The following CFAP95 variants were observed in gnomAD, a reference collection of about 807,000 sequenced individuals.
The protein encoded by CFAP95 is cilia- and flagella-associated protein 95.
the CFAP95 span, among the ~76,000 whole-genome samples, chr9:69,824,545 G>A: frequency 6.7e-6 from 1 of 148,174 alleles, no homozygotes; most frequent in Non-Finnish European, 1.5e-5. Context: ...TCCTTTTCAT[G>A]TTCTATTTAA....
chr9:69,885,702 ATCTCAG>A, the CFAP95 span, among the ~76,000 whole-genome samples: 1 of 152,222 alleles, frequency 6.6e-6, no homozygotes, highest in East Asian at 1.9e-4. Flanking sequence ...ATGTTATGTA[ATCTCAG>A]TCTATCTGGC....
chr9:69,852,164 T>A, the CFAP95 span, among the ~76,000 whole-genome samples: 1 of 151,378 alleles, frequency 6.6e-6, no homozygotes, highest in Admixed American at 6.6e-5. Flanking sequence ...CCTTTGTATA[T>A]ATTTTTTTTT....
chr9:69,889,433 A>G, the CFAP95 span, among the ~76,000 whole-genome samples: 4 of 152,212 alleles, frequency 2.6e-5, no homozygotes, highest in Admixed American at 2.0e-4. Flanking sequence ...TATTTTTCAC[A>G]TTTAGCATTT....
the CFAP95 span, among the ~76,000 whole-genome samples, chr9:69,822,074 G>A: frequency 6.6e-6 from 1 of 152,314 alleles, no homozygotes; most frequent in African/African-American, 2.4e-5. Context: ...TGGAAGAAAA[G>A]TGGAAACTTT....
chr9:69,882,440 C>CT, the CFAP95 span, among the ~76,000 whole-genome samples: 35 of 152,002 alleles, frequency 2.3e-4, no homozygotes, highest in South Asian at 1.0e-3. Flanking sequence ...CCCTTTATTT[C>CT]TTTTTTTTGT....
At chr9:69,861,861 G>C in the CFAP95 span, among the ~76,000 whole-genome samples, 1 of 149,696 alleles carries the variant, frequency 6.7e-6, no homozygotes, top group Admixed American at 6.7e-5. Context: ...TCAGAGACTT[G>C]ATGTTATCAA....
the CFAP95 span, among the ~76,000 whole-genome samples, chr9:69,887,389 A>C: frequency 6.6e-6 from 1 of 152,364 alleles, no homozygotes; most frequent in Non-Finnish European, 1.5e-5. Flanking sequence ...GGCAGTAGAC[A>C]TGAGATAGAA....
chr9:69,895,369 C>CTCTGTGTGTGTGTGTGTGTG, the CFAP95 span, among the ~76,000 whole-genome samples: 13 of 107,916 alleles, frequency 1.2e-4, no homozygotes, highest in African/African-American at 4.1e-4. Flanking sequence ...CTCTCTCTCT[C>CTCTGTGTGTGTGTGTGTGTG]TGTGTGTGTG....
At chr9:69,856,920 G>GTT in the CFAP95 span, among the ~76,000 whole-genome samples, 54,345 of 125,646 alleles carry the variant, frequency 0.43, 12,155 homozygotes, top group East Asian at 0.6. Context: ...CTTTATATGT[G>GTT]TTTTTTTTTT....
the CFAP95 span, among the ~76,000 whole-genome samples, chr9:69,851,371 A>G: frequency 1.3e-5 from 2 of 152,146 alleles, no homozygotes; most frequent in African/African-American, 4.8e-5. Flanking sequence ...TAAGAAGCCT[A>G]TTGGTCCCAT....
the CFAP95 span, among the ~76,000 whole-genome samples, chr9:69,859,226 T>G: frequency 6.6e-6 from 1 of 152,164 alleles, no homozygotes; most frequent in Non-Finnish European, 1.5e-5. Context: ...ATCCTAAAAC[T>G]TTCCTGTCTT....
chr9:69,860,989 A>G, the CFAP95 span, among the ~76,000 whole-genome samples: 6 of 152,184 alleles, frequency 3.9e-5, no homozygotes, highest in African/African-American at 1.4e-4. Flanking sequence ...AGTAGAAGAA[A>G]TATGCTCTAA....
the CFAP95 span, among the ~76,000 whole-genome samples, chr9:69,876,439 A>G: frequency 6.6e-6 from 1 of 152,014 alleles, no homozygotes; most frequent in African/African-American, 2.4e-5. Context: ...AGGTTGAGGC[A>G]GGAGAATTGC....
the CFAP95 span, among the ~76,000 whole-genome samples, chr9:69,900,140 A>G: frequency 2.0e-5 from 3 of 152,094 alleles, no homozygotes; most frequent in African/African-American, 7.2e-5. Flanking sequence ...GCGTCTGTAT[A>G]TAGGTGTGTG....
At chr9:69,905,577 T>G in the CFAP95 span, among the ~76,000 whole-genome samples, 1 of 152,192 alleles carries the variant, frequency 6.6e-6, no homozygotes, top group East Asian at 1.9e-4. Context: ...TATTATTCTT[T>G]GCAATGGTTA....
At chr9:69,876,477 G>A in the CFAP95 span, among the ~76,000 whole-genome samples, 1 of 151,782 alleles carries the variant, frequency 6.6e-6, no homozygotes, top group African/African-American at 2.4e-5. Flanking sequence ...AGGTTGCAGT[G>A]AGCCATGATT....
At chr9:69,859,815 C>G in the CFAP95 span, among the ~76,000 whole-genome samples, 3 of 152,176 alleles carry the variant, frequency 2.0e-5, no homozygotes, top group African/African-American at 2.4e-5. Context: ...AAATCCATTG[C>G]TCCTAGACTA....
the CFAP95 span, among the ~76,000 whole-genome samples, chr9:69,866,646 A>T: frequency 1.3e-5 from 2 of 152,208 alleles, no homozygotes; most frequent in African/African-American, 4.8e-5. Context: ...TCTATTTTGG[A>T]TTAGCAAAAG....
the CFAP95 span, among the ~76,000 whole-genome samples, chr9:69,848,201 G>A: frequency 4.6e-5 from 7 of 152,190 alleles, no homozygotes; most frequent in African/African-American, 1.7e-4. Flanking sequence ...CTCTAGAGGT[G>A]GAGCAACAAT....
Sources: allele counts gnomAD v4.1 joint callset (sites outside exome capture counted in the v4.1 genomes callset), GRCh38; gene constraint gnomAD v4.1.1; transcripts MANE v1.5; gene names NCBI Gene and HGNC (gene_info 2026-07-23, HGNC 2026-07-21).